DENND1B: variants seen among roughly 807,000 people sequenced by gnomAD.
DENND1B encodes the protein DENN domain-containing protein 1B.
In DENND1B, 59 loss-of-function variants were observed where a neutral mutation model predicts 90.1. That is an observed-to-expected ratio of 0.65 (90% confidence interval 0.53 to 0.81). The LOEUF is 0.81. Among genes scored for constraint, DENND1B ranks in the 40% least tolerant of loss-of-function variants. DENND1B has a pLI of 0.00. For missense variants in DENND1B, 862 were observed against 912.6 expected (o/e 0.94, Z 0.71); for synonymous variants, 337 against 324.6 (o/e 1.04, Z -0.41).
intron 10 of DENND1B, among the ~76,000 whole-genome samples, chr1:197,618,143 T>C (rs1358974154): frequency 1.3e-5 from 2 of 151,294 alleles, no homozygotes; most frequent in East Asian, 3.9e-4. Context: ...TGATTAAATA[T>C]GGAAAGGAAG....
intron 2 of DENND1B, among the ~76,000 whole-genome samples, chr1:197,766,096 C>A (rs1186170365): frequency 5.9e-5 from 9 of 152,108 alleles, no homozygotes; most frequent in Admixed American, 1.3e-4. Context: ...AAAACAGTTT[C>A]ATTTTATTTT....
At chr1:197,697,077 A>T (rs1332292462) in intron 3 of DENND1B, among the ~76,000 whole-genome samples, 1 of 148,208 alleles carries the variant, frequency 6.7e-6, no homozygotes, top group Admixed American at 6.7e-5. Flanking sequence ...TAAAAACAGA[A>T]ATTCCACAAA....
At chr1:197,606,912 G>T in intron 13 of DENND1B, 161 bp downstream of exon 13, 1 of 588,094 alleles carries the variant, frequency 1.7e-6, no homozygotes, top group Non-Finnish European at 3.0e-6. Flanking sequence ...ACTGCTAAAA[G>T]GTAAAAATAT....
intron 10 of DENND1B, among the ~76,000 whole-genome samples, chr1:197,634,233 T>C (rs1428665169): frequency 6.6e-6 from 1 of 152,180 alleles, no homozygotes; most frequent in Non-Finnish European, 1.5e-5. Context: ...TAGTAGCCCA[T>C]CCCTTGTTAC....
At chr1:197,537,547 T>C (rs1670002499) in intron 20 of DENND1B, among the ~76,000 whole-genome samples, 1 of 152,064 alleles carries the variant, frequency 6.6e-6, no homozygotes, top group Admixed American at 6.5e-5. Context: ...ACTAAGAGAA[T>C]AGATTTTAGG....
chr1:197,753,795 G>A (rs1169218366), intron 2 of DENND1B, among the ~76,000 whole-genome samples: 1 of 152,020 alleles, frequency 6.6e-6, no homozygotes, highest in Admixed American at 6.5e-5. Context: ...GAAGTCAGGA[G>A]TTCGAGACCA....
chr1:197,624,497 T>C (rs563102227), intron 10 of DENND1B, among the ~76,000 whole-genome samples: 139 of 151,742 alleles, frequency 9.2e-4, no homozygotes, highest in African/African-American at 3.3e-3. Flanking sequence ...AAAATCTACA[T>C]GAACTAGGGC....
At chr1:197,690,513 C>A in intron 3 of DENND1B, 1 of 179,224 alleles carries the variant, frequency 5.6e-6, no homozygotes, top group South Asian at 1.2e-4. Context: ...CCCTCTTGGT[C>A]ATTTTACTGT....
chr1:197,655,337 A>G (rs1653690908), intron 6 of DENND1B, among the ~76,000 whole-genome samples: 1 of 152,180 alleles, frequency 6.6e-6, no homozygotes, highest in Admixed American at 6.5e-5. Flanking sequence ...TCTATTTGCT[A>G]TGGGAGACAC....
At chr1:197,677,604 G>A (rs1656226180) in intron 3 of DENND1B, among the ~76,000 whole-genome samples, 2 of 152,110 alleles carry the variant, frequency 1.3e-5, no homozygotes, top group Non-Finnish European at 2.9e-5. Flanking sequence ...GGATTAGAAA[G>A]AAGATGAAGA....
intron 7 of DENND1B, among the ~76,000 whole-genome samples, chr1:197,648,380 G>A (rs1047920371): frequency 9.9e-5 from 15 of 151,998 alleles, no homozygotes; most frequent in African/African-American, 3.4e-4. Flanking sequence ...GGTAAAAAGG[G>A]GTAGAAATCT....
At chr1:197,719,122 A>C (rs984804702) in intron 2 of DENND1B, among the ~76,000 whole-genome samples, 5 of 152,174 alleles carry the variant, frequency 3.3e-5, no homozygotes, top group African/African-American at 1.2e-4. Context: ...GAGGTGGCCG[A>C]TTTAAGATTA....
upstream of DENND1B, among the ~76,000 whole-genome samples, chr1:197,777,039 A>G (rs906414505): frequency 3.3e-5 from 5 of 152,176 alleles, no homozygotes; most frequent in African/African-American, 7.2e-5. Flanking sequence ...ACTATACTAC[A>G]TAAGTTTTCT....
At chr1:197,702,673 G>A (rs1183814919) in intron 3 of DENND1B, among the ~76,000 whole-genome samples, 1 of 152,126 alleles carries the variant, frequency 6.6e-6, no homozygotes, top group Non-Finnish European at 1.5e-5. Flanking sequence ...ATTGAGTTAT[G>A]TTAACAAATG....
At position 197,509,677 on chromosome 1, in the gene DENND1B, G is replaced by C. The variant is rs936240212; in HGVS notation, c.*783C>G. 2.3e-5 allele frequency: 3 copies of C among 129,868 alleles called. No homozygotes were observed. Among genetic ancestry groups the C allele is most frequent in the Non-Finnish European group, 5.0e-5 (3 of 59,492 alleles). The allele number at this position is 129,868 out of a possible 1,614,324, so 8.0% of individuals were successfully genotyped here. A position where few individuals can be genotyped will look rare whatever the true frequency, so the allele number is the denominator to read the frequency against. On this transcript the variant is annotated 3_prime_UTR_variant, in exon 23 of 23. Coordinates refer to ENST00000620048, the MANE Select transcript of DENND1B (RefSeq NM_001195215.2). The stretch of plus-strand genomic sequence containing the variant: ...GGTTTATGTTGTATTTGGCTTTCTT[G>C]GGGTGGACCCCTAAATAGCAAAGGC...
intron 3 of DENND1B, among the ~76,000 whole-genome samples, chr1:197,677,684 C>A (rs1048250173): frequency 2.0e-5 from 3 of 152,146 alleles, no homozygotes; most frequent in Non-Finnish European, 4.4e-5. Context: ...CCACAAGGGT[C>A]CTGAGTCTTT....
chr1:197,607,265 C>T, intron 12 of DENND1B, 91 bp from the exon 13 acceptor site: 1 of 816,924 alleles, frequency 1.2e-6, no homozygotes, highest in Non-Finnish European at 1.8e-6. Flanking sequence ...TATCTTAATG[C>T]ATTAGGCTTG....
intron 15 of DENND1B, among the ~76,000 whole-genome samples, chr1:197,575,851 A>G (rs2125749992): frequency 6.6e-6 from 1 of 152,330 alleles, no homozygotes; most frequent in East Asian, 1.9e-4. Flanking sequence ...CAAACATTGC[A>G]TGTTCTCACT....
chr1:197,516,309 A>G (rs1668395922), intron 20 of DENND1B, among the ~76,000 whole-genome samples: 1 of 151,874 alleles, frequency 6.6e-6, no homozygotes, highest in South Asian at 2.1e-4. Context: ...TTGAATATAT[A>G]TCAACCTGCA....
Sources: allele counts gnomAD v4.1 joint callset (sites outside exome capture counted in the v4.1 genomes callset), GRCh38; gene constraint gnomAD v4.1.1; transcripts MANE v1.5; gene names NCBI Gene and HGNC (gene_info 2026-07-23, HGNC 2026-07-21).